Variants in CACNA2D3 observed in about 807,000 individuals in gnomAD.
CACNA2D3 encodes voltage-dependent calcium channel subunit alpha-2/delta-3.
Under a neutral mutation model 160.6 loss-of-function variants are expected in CACNA2D3, and 60 were observed. That is an observed-to-expected ratio of 0.37 (90% CI 0.30 to 0.46). The LOEUF (loss-of-function observed/expected upper bound fraction) is 0.46. Ranked by LOEUF, CACNA2D3 falls within the 20% of genes least tolerant of loss-of-function variation. The pLI, the probability that CACNA2D3 is intolerant of heterozygous loss-of-function variation, is 1.00. For missense variants in CACNA2D3, 1,205 were observed against 1,365.0 expected (o/e 0.88, Z 1.85); for synonymous variants, 558 against 492.9 (o/e 1.13, Z -1.75).
intron 17 of CACNA2D3, among the ~76,000 whole-genome samples, chr3:54,848,731 GT>G (rs1326334935): frequency 6.6e-6 from 1 of 152,210 alleles, no homozygotes; most frequent in African/African-American, 2.4e-5. Flanking sequence ...GCATCACACT[GT>G]GAAGCTCAAC....
chr3:55,045,168 C>T (rs1283550579), intron 35 of CACNA2D3, among the ~76,000 whole-genome samples: 2 of 152,124 alleles, frequency 1.3e-5, no homozygotes, highest in East Asian at 3.9e-4. Context: ...CCTGCTTCAG[C>T]CTCCCAAGTA....
At chr3:54,574,605 A>T (rs1200023700) in intron 8 of CACNA2D3, among the ~76,000 whole-genome samples, 1 of 152,250 alleles carries the variant, frequency 6.6e-6, no homozygotes, top group Non-Finnish European at 1.5e-5. Context: ...AGGTCAAACC[A>T]CTGGTGCATG....
At chr3:54,243,364 CAT>C (rs1277551937) in intron 2 of CACNA2D3, among the ~76,000 whole-genome samples, 49 of 152,326 alleles carry the variant, frequency 3.2e-4, no homozygotes, top group African/African-American at 9.9e-4. Flanking sequence ...TGTAAATTCA[CAT>C]GTTTCCAAAT....
intron 9 of CACNA2D3, among the ~76,000 whole-genome samples, chr3:54,625,295 AT>A (rs1234717513): frequency 6.6e-6 from 1 of 152,112 alleles, no homozygotes; most frequent in African/African-American, 2.4e-5. Context: ...AGAAAAAAAA[AT>A]ATTATTTTGC....
intron 25 of CACNA2D3, among the ~76,000 whole-genome samples, chr3:54,891,680 C>T (rs773071871): frequency 1.3e-5 from 2 of 152,208 alleles, no homozygotes; most frequent in Non-Finnish European, 2.9e-5. Context: ...TGGCTTCTGT[C>T]CACTGTCCTG....
intron 35 of CACNA2D3, among the ~76,000 whole-genome samples, chr3:55,023,323 A>C (rs572078520): frequency 1.3e-5 from 2 of 152,036 alleles, no homozygotes; most frequent in Non-Finnish European, 2.9e-5. Context: ...TTTATTCTGG[A>C]TAATTTCTTT....
intron 17 of CACNA2D3, among the ~76,000 whole-genome samples, chr3:54,861,894 T>C (rs1699298909): frequency 6.6e-6 from 1 of 152,218 alleles, no homozygotes; most frequent in South Asian, 2.1e-4. Flanking sequence ...GACATTTGGC[T>C]TTCCTCTGAG....
intron 6 of CACNA2D3, among the ~76,000 whole-genome samples, chr3:54,563,279 C>T (rs1488286215): frequency 1.3e-5 from 2 of 152,146 alleles, no homozygotes; most frequent in Non-Finnish European, 2.9e-5. Flanking sequence ...GCTGTTATTG[C>T]TATAATTATT....
intron 35 of CACNA2D3, among the ~76,000 whole-genome samples, chr3:55,033,565 G>T (rs6785508): frequency 8.1e-6 from 1 of 124,102 alleles, no homozygotes; most frequent in African/African-American, 3.2e-5. Context: ...TGAAACTATC[G>T]TGTCATTTAT....
chr3:54,839,857 A>G (rs1698782844), intron 16 of CACNA2D3, among the ~76,000 whole-genome samples: 1 of 152,148 alleles, frequency 6.6e-6, no homozygotes, highest in African/African-American at 2.4e-5. Context: ...TTCATCCACC[A>G]GGGCTTTTAT....
intron 4 of CACNA2D3, among the ~76,000 whole-genome samples, chr3:54,439,333 T>TGTGTGTG (rs869041749): frequency 0.1 from 14,966 of 147,780 alleles, 972 homozygotes; most frequent in Admixed American, 0.22. Flanking sequence ...GTGTGTGTGT[T>TGTGTGTG]TGTGTGTGAA....
chr3:54,600,060 G>A (rs1337179824), intron 9 of CACNA2D3, among the ~76,000 whole-genome samples: 1 of 152,236 alleles, frequency 6.6e-6, no homozygotes, highest in Non-Finnish European at 1.5e-5. Context: ...CGGACTGGAG[G>A]TTGGAGCTGA....
chr3:54,926,538 A>ACG (rs1701026514), intron 27 of CACNA2D3, among the ~76,000 whole-genome samples: 1 of 150,720 alleles, frequency 6.6e-6, no homozygotes, highest in Non-Finnish European at 1.5e-5. Flanking sequence ...ACACACACAC[A>ACG]CACACACACA....
At chr3:55,029,533 G>A (rs1703644791) in intron 35 of CACNA2D3, among the ~76,000 whole-genome samples, 1 of 152,122 alleles carries the variant, frequency 6.6e-6, no homozygotes, top group South Asian at 2.1e-4. Flanking sequence ...AGCCTTGAAG[G>A]TAAAACTAAT....
At chr3:55,032,606 G>A (rs1371056499) in intron 35 of CACNA2D3, among the ~76,000 whole-genome samples, 1 of 152,130 alleles carries the variant, frequency 6.6e-6, no homozygotes, top group Non-Finnish European at 1.5e-5. Context: ...AGATCTCAAT[G>A]CCATCAGTTC....
At chr3:54,336,712 A>G (rs1018434677) in intron 3 of CACNA2D3, among the ~76,000 whole-genome samples, 2 of 152,210 alleles carry the variant, frequency 1.3e-5, no homozygotes, top group African/African-American at 4.8e-5. Flanking sequence ...CCTAGAACCC[A>G]TCATTAGGGA....
intron 2 of CACNA2D3, among the ~76,000 whole-genome samples, chr3:54,167,420 C>A (rs7653627): frequency 6.6e-6 from 1 of 151,896 alleles, no homozygotes; most frequent in South Asian, 2.1e-4. Context: ...CAGCGGGTTC[C>A]TTATACCCAT....
intron 35 of CACNA2D3, among the ~76,000 whole-genome samples, chr3:55,068,306 A>G (rs996498199): frequency 1.6e-4 from 24 of 152,296 alleles, no homozygotes; most frequent in African/African-American, 5.5e-4. Context: ...GCTATCATCA[A>G]CCTAGAGACA....
intron 27 of CACNA2D3, among the ~76,000 whole-genome samples, chr3:54,950,756 A>T (rs529845076): frequency 2.0e-5 from 3 of 152,306 alleles, no homozygotes; most frequent in African/African-American, 7.2e-5. Flanking sequence ...TGAGCCTCAG[A>T]TACCAATATC....
Sources: allele counts gnomAD v4.1 joint callset (sites outside exome capture counted in the v4.1 genomes callset), GRCh38; gene constraint gnomAD v4.1.1; transcripts MANE v1.5; gene names NCBI Gene and HGNC (gene_info 2026-07-23, HGNC 2026-07-21).